SNX29: variants seen among roughly 807,000 people sequenced by gnomAD.
SNX29 encodes sorting nexin 29.
In SNX29, 78 loss-of-function variants were observed where a neutral mutation model predicts 102.1. The observed-to-expected ratio is 0.76, with a 90% CI of 0.64 to 0.92. SNX29 has a LOEUF of 0.92. SNX29 is among the 40% of genes least tolerant of loss of function. The pLI, the probability that SNX29 is intolerant of heterozygous loss-of-function variation, is 0.00. For synonymous variants in SNX29, 580 were observed against 414.5 expected (o/e 1.40, Z -4.85); for missense variants, 1,280 against 1,061.7 (o/e 1.21, Z -2.86).
At chr16:11,982,148 C>G (rs1228126319) in intron 1 of SNX29, among the ~76,000 whole-genome samples, 3 of 151,836 alleles carry the variant, frequency 2.0e-5, no homozygotes, top group East Asian at 1.9e-4. Context: ...TGTATGTAGA[C>G]CTAAAAAGAT....
chr16:12,087,630 A>T lies in SNX29; in HGVS notation c.1402+8715A>T, dbSNP rs1374260996. 8.4e-6 allele frequency: 3 copies of T among 358,884 alleles called. No homozygotes were observed. In the East Asian group the frequency reaches 2.2e-4, roughly 26 times the overall value. 22.2% of individuals were successfully genotyped at this position (358,884 alleles called of 1,614,324 possible). ...TAAGGTAATGATTAGTACTCATTAG[A>T]TGGTAAAGCAGCCGTCATTATGCGA... On this transcript the variant is annotated intron_variant, in intron 11 of 20. Transcript: ENST00000566228.
chr16:12,553,564 C>G (rs2078127783), intron 20 of SNX29, among the ~76,000 whole-genome samples: 1 of 151,848 alleles, frequency 6.6e-6, no homozygotes. Context: ...TAAGCAGGAG[C>G]TGTGGGCTCT....
At chr16:12,253,366 T>C (rs1168571121) in intron 14 of SNX29, among the ~76,000 whole-genome samples, 1 of 152,218 alleles carries the variant, frequency 6.6e-6, no homozygotes, top group Non-Finnish European at 1.5e-5. Flanking sequence ...AGTTGCATTC[T>C]AGTTAGGGGG....
At chr16:12,460,530 C>T (rs796880384) in intron 18 of SNX29, among the ~76,000 whole-genome samples, 2 of 152,174 alleles carry the variant, frequency 1.3e-5, no homozygotes, top group Non-Finnish European at 2.9e-5. Context: ...TCAGCCATCA[C>T]CTCCTCCAGG....
intron 20 of SNX29, among the ~76,000 whole-genome samples, chr16:12,560,138 C>CT (rs1367622251): frequency 1.4e-4 from 8 of 55,328 alleles, no homozygotes; most frequent in Non-Finnish European, 3.4e-4. Context: ...GTTCCCCTCC[C>CT]CCCCCCAACA....
chr16:12,488,844 G>C (rs1375876596), intron 19 of SNX29, among the ~76,000 whole-genome samples: 1 of 152,186 alleles, frequency 6.6e-6, no homozygotes, highest in Non-Finnish European at 1.5e-5. Flanking sequence ...GAACCCACCA[G>C]AATTGGCCAG....
chr16:12,287,178 G>A (rs2079625337), intron 15 of SNX29, among the ~76,000 whole-genome samples: 1 of 152,126 alleles, frequency 6.6e-6, no homozygotes, highest in South Asian at 2.1e-4. Context: ...AACACACATA[G>A]TCATGTCAGC....
chr16:12,116,018 A>G (rs1310374236), intron 11 of SNX29, among the ~76,000 whole-genome samples: 1 of 152,240 alleles, frequency 6.6e-6, no homozygotes, highest in African/African-American at 2.4e-5. Flanking sequence ...TTGTGGTGAA[A>G]TAATCCAAAT....
chr16:12,333,735 T>C (rs1285648916), intron 15 of SNX29, among the ~76,000 whole-genome samples: 2 of 152,122 alleles, frequency 1.3e-5, no homozygotes, highest in Non-Finnish European at 2.9e-5. Flanking sequence ...GTCTTATTAC[T>C]TCAGCCATTA....
intron 20 of SNX29, among the ~76,000 whole-genome samples, chr16:12,554,198 G>A (rs1024719267): frequency 2.6e-5 from 4 of 152,232 alleles, no homozygotes; most frequent in Admixed American, 6.5e-5. Flanking sequence ...TAAACCATTT[G>A]AACGATGAGC....
At chr16:12,106,455 C>T (rs895858191) in intron 11 of SNX29, among the ~76,000 whole-genome samples, 10 of 152,000 alleles carry the variant, frequency 6.6e-5, no homozygotes, top group African/African-American at 2.2e-4. Context: ...GCCCCCTCCT[C>T]GGCCCCCTCC....
intron 13 of SNX29, among the ~76,000 whole-genome samples, chr16:12,152,601 C>G (rs909348352): frequency 6.6e-6 from 1 of 152,168 alleles, no homozygotes; most frequent in African/African-American, 2.4e-5. Context: ...GTGAGAGACA[C>G]GGTGTTTCTG....
At chr16:12,054,650 C>A (rs913503958) in intron 8 of SNX29, among the ~76,000 whole-genome samples, 43 of 152,234 alleles carry the variant, frequency 2.8e-4, no homozygotes, top group African/African-American at 9.9e-4. Context: ...ACCACACCCC[C>A]AGCTTTCCTG....
At chr16:12,476,291 G>T (rs551982197) in intron 18 of SNX29, among the ~76,000 whole-genome samples, 133 of 133,810 alleles carry the variant, frequency 9.9e-4, no homozygotes, top group African/African-American at 3.4e-3. Flanking sequence ...TCCAGCCTGG[G>T]CAACAGAGTG....
At chr16:12,141,012 T>C (rs909016155) in intron 13 of SNX29, among the ~76,000 whole-genome samples, 4 of 152,234 alleles carry the variant, frequency 2.6e-5, no homozygotes, top group African/African-American at 9.6e-5. Context: ...CAGTACATAT[T>C]GGTCTGGCGC....
At chr16:12,196,637 T>C (rs2076782428) in intron 13 of SNX29, among the ~76,000 whole-genome samples, 2 of 150,508 alleles carry the variant, frequency 1.3e-5, no homozygotes, top group African/African-American at 4.9e-5. Context: ...TTTTTTTTTT[T>C]TGGAGACGGA....
chr16:12,403,923 G>A (rs2151514939), intron 18 of SNX29, among the ~76,000 whole-genome samples: 1 of 152,220 alleles, frequency 6.6e-6, no homozygotes, highest in East Asian at 1.9e-4. Flanking sequence ...ACCCTCTCAG[G>A]CCAGCTGTCC....
At chr16:12,471,091 A>G (rs1215696799) in intron 18 of SNX29, among the ~76,000 whole-genome samples, 1 of 152,086 alleles carries the variant, frequency 6.6e-6, no homozygotes, top group Non-Finnish European at 1.5e-5. Flanking sequence ...AGCACCCGAG[A>G]TCTGACATGC....
intron 16 of SNX29, among the ~76,000 whole-genome samples, chr16:12,390,609 C>A: frequency 6.6e-6 from 1 of 152,100 alleles, no homozygotes; most frequent in East Asian, 1.9e-4. Context: ...GAGCAGTCAG[C>A]CCCTCATTCT....
Sources: allele counts gnomAD v4.1 joint callset (sites outside exome capture counted in the v4.1 genomes callset), GRCh38; gene constraint gnomAD v4.1.1; transcripts MANE v1.5; gene names NCBI Gene and HGNC (gene_info 2026-07-23, HGNC 2026-07-21).